DGKB: variants seen among roughly 807,000 people sequenced by gnomAD.
DGKB encodes the protein 90 kDa diacylglycerol kinase.
In DGKB, 67 loss-of-function variants were observed where a neutral mutation model predicts 114.3. The ratio of observed to expected loss-of-function variants is 0.59; its 90% CI spans 0.48 to 0.72. The LOEUF is 0.72. DGKB is among the 30% of genes least tolerant of loss of function. DGKB has a pLI of 0.00. For missense variants in DGKB, 907 were observed against 975.2 expected (o/e 0.93, Z 0.93); for synonymous variants, 398 against 323.1 (o/e 1.23, Z -2.49).
intron 21 of DGKB, among the ~76,000 whole-genome samples, chr7:14,375,797 G>C (rs540633359): frequency 6.6e-6 from 1 of 152,160 alleles, no homozygotes; most frequent in African/African-American, 2.4e-5. Context: ...GAAGTTCTTC[G>C]AGGGCAGTGA....
chr7:14,694,013 A>G, intron 9 of DGKB, 62 bp downstream of exon 9: 1 of 1,523,314 alleles, frequency 6.6e-7, no homozygotes, highest in Non-Finnish European at 8.8e-7. Context: ...TGTAATCAAA[A>G]TGTGTAATAG....
intron 23 of DGKB, among the ~76,000 whole-genome samples, chr7:14,193,662 A>G (rs777280277): frequency 7.2e-5 from 11 of 152,212 alleles, no homozygotes; most frequent in Non-Finnish European, 1.5e-4. Context: ...TAAGATCTCA[A>G]AAGCACAGAC....
intron 4 of DGKB, 91 bp downstream of exon 4, chr7:14,753,837 G>T: frequency 1.2e-6 from 1 of 832,096 alleles, no homozygotes. Flanking sequence ...TGGTACAGAA[G>T]TATAGTTCAG....
chr7:14,156,213 T>C (rs1034441327), intron 25 of DGKB, among the ~76,000 whole-genome samples: 1 of 152,156 alleles, frequency 6.6e-6, no homozygotes, highest in African/African-American at 2.4e-5. Flanking sequence ...CATGCCTCGG[T>C]TTGGTACAAT....
chr7:14,224,537 G>T (rs1790484203), intron 23 of DGKB, among the ~76,000 whole-genome samples: 1 of 151,748 alleles, frequency 6.6e-6, no homozygotes, highest in Non-Finnish European at 1.5e-5. Context: ...CTTGTGTATG[G>T]GTCAGATTTT....
intron 21 of DGKB, among the ~76,000 whole-genome samples, chr7:14,390,727 T>G (rs1821182094): frequency 6.6e-6 from 1 of 152,178 alleles, no homozygotes; most frequent in South Asian, 2.1e-4. Context: ...TCTTATTAAG[T>G]CTTGGCATGT....
intron 21 of DGKB, among the ~76,000 whole-genome samples, chr7:14,345,658 G>A (rs892561047): frequency 2.0e-5 from 3 of 151,522 alleles, no homozygotes; most frequent in Non-Finnish European, 4.4e-5. Context: ...TTTAAAAAAC[G>A]GTTTTAATGC....
intron 13 of DGKB, 142 bp downstream of exon 13, chr7:14,672,787 G>A (rs1224488680): frequency 2.1e-6 from 1 of 475,134 alleles, no homozygotes; most frequent in African/African-American, 2.0e-5. Flanking sequence ...AAGGTGTTCT[G>A]TTTCAGAGTA....
chr7:14,301,791 G>A (rs1317223117), intron 23 of DGKB, among the ~76,000 whole-genome samples: 2 of 152,078 alleles, frequency 1.3e-5, no homozygotes, highest in Non-Finnish European at 2.9e-5. Context: ...CTGGAGAGGT[G>A]GGCTACTCTT....
At chr7:14,380,223 T>C (rs1180498597) in intron 21 of DGKB, among the ~76,000 whole-genome samples, 1 of 151,312 alleles carries the variant, frequency 6.6e-6, no homozygotes, top group Non-Finnish European at 1.5e-5. Context: ...CCCTTTTCAA[T>C]CTAAAAATAA....
intron 21 of DGKB, among the ~76,000 whole-genome samples, chr7:14,461,430 T>C (rs1292734151): frequency 6.6e-6 from 1 of 151,726 alleles, no homozygotes; most frequent in East Asian, 1.9e-4. Flanking sequence ...ATATCAGCAC[T>C]GATCTCACAG....
chr7:14,567,592 A>AAG (rs1268879736), intron 20 of DGKB, among the ~76,000 whole-genome samples: 1 of 95,488 alleles, frequency 1.0e-5, no homozygotes, highest in African/African-American at 5.5e-5. Flanking sequence ...ATTATAAATA[A>AAG]AGATATATAT....
At chr7:14,645,407 C>T (rs1812748389) in intron 13 of DGKB, among the ~76,000 whole-genome samples, 1 of 152,128 alleles carries the variant, frequency 6.6e-6, no homozygotes, top group Middle Eastern at 3.4e-3. Flanking sequence ...ATATTCTCTG[C>T]CGCTCGCCGA....
At chr7:14,232,361 G>A (rs1460491587) in intron 23 of DGKB, among the ~76,000 whole-genome samples, 4 of 126,780 alleles carry the variant, frequency 3.2e-5, no homozygotes, top group African/African-American at 1.4e-4. Flanking sequence ...ACAAAATCTA[G>A]AGTAAGTTAG....
intron 23 of DGKB, among the ~76,000 whole-genome samples, chr7:14,284,817 T>C (rs112445999): frequency 0.067 from 9,357 of 139,562 alleles, 1,005 homozygotes; most frequent in African/African-American, 0.23. Context: ...ACAATGAGAT[T>C]GCATGGACAC....
chr7:14,888,613 A>G (rs1262275339), intron 1 of DGKB, among the ~76,000 whole-genome samples: 1 of 151,784 alleles, frequency 6.6e-6, no homozygotes, highest in Non-Finnish European at 1.5e-5. Context: ...ATTTAAAAGC[A>G]AAGTGAAACT....
chr7:14,920,788 G>A (rs1335435790), intron 1 of DGKB, among the ~76,000 whole-genome samples: 6 of 152,112 alleles, frequency 3.9e-5, no homozygotes, highest in African/African-American at 9.7e-5. Context: ...ACTAGGGTAC[G>A]TCTCTAAAAT....
intron 23 of DGKB, among the ~76,000 whole-genome samples, chr7:14,244,796 C>T (rs938536916): frequency 6.6e-6 from 1 of 151,616 alleles, no homozygotes; most frequent in Non-Finnish European, 1.5e-5. Context: ...TGTGAGGGCA[C>T]AGAGAAAAGA....
At chr7:14,518,403 C>T (rs1037250550) in intron 20 of DGKB, among the ~76,000 whole-genome samples, 2 of 151,780 alleles carry the variant, frequency 1.3e-5, no homozygotes, top group South Asian at 2.1e-4. Context: ...GTATATCAAA[C>T]CCCCATGACA....
Sources: allele counts gnomAD v4.1 joint callset (sites outside exome capture counted in the v4.1 genomes callset), GRCh38; gene constraint gnomAD v4.1.1; transcripts MANE v1.5; gene names NCBI Gene and HGNC (gene_info 2026-07-23, HGNC 2026-07-21).